The following SHB variants were observed in gnomAD, a reference collection of about 807,000 sequenced individuals.
SHB encodes the protein SH2 domain-containing adapter protein B.
Under a neutral mutation model 52.3 loss-of-function variants are expected in SHB, and 20 were observed. That is an observed-to-expected ratio of 0.38 (90% CI 0.27 to 0.56). The LOEUF (loss-of-function observed/expected upper bound fraction) is 0.56. SHB is among the 20% of genes least tolerant of loss of function. SHB has a pLI of 0.71. For missense variants in SHB, 825 were observed against 723.3 expected (o/e 1.14, Z -1.61); for synonymous variants, 397 against 316.5 (o/e 1.25, Z -2.70).
At chr9:37,941,871 C>T (rs773294795) in intron 5 of SHB, among the ~76,000 whole-genome samples, 14 of 152,224 alleles carry the variant, frequency 9.2e-5, no homozygotes, top group African/African-American at 1.4e-4. Flanking sequence ...GATGCTTGGA[C>T]GGCAGAAGGA....
chr9:37,934,959 G>T (rs1449137944), intron 5 of SHB, among the ~76,000 whole-genome samples: 1 of 152,170 alleles, frequency 6.6e-6, no homozygotes, highest in Admixed American at 6.5e-5. Context: ...ACTTACTATA[G>T]GAACTGATTG....
rs1331975119 is a variant in SHB at position 38,068,543 on chromosome 9, C to T, written c.103G>A (p.Glu35Lys). ...GCCTGGGGGGGCTGCGAAGGCCGCT[C>T]GCCTCGGCGCCGCTGCTCGCGGTAG... Reference protein sequence around the residue: ...PDYREQRRRGERPSQPPQAVP... With the variant: ...PDYREQRRRGKRPSQPPQAVP... Residue 35 changes from glutamate to lysine, a missense_variant, in exon 1 of 6, where the codon GAG (glutamate) becomes AAG (lysine). Glu to Lys is a moderately conservative substitution (Grantham distance 56). Coordinates refer to ENST00000377707, the MANE Select transcript of SHB (RefSeq NM_003028.3). The T allele has an allele frequency of 7.6e-6, 11 of 1,446,822 alleles. No individual in the cohort carries two copies. The highest frequency in any genetic ancestry group is 9.0e-6 in the Non-Finnish European group (10 of 1,111,960). The allele number at this position is 1,446,822 out of a possible 1,614,324, so 89.6% of individuals were successfully genotyped here.
At chr9:37,997,898 G>A (rs969572838) in intron 2 of SHB, among the ~76,000 whole-genome samples, 1 of 152,232 alleles carries the variant, frequency 6.6e-6, no homozygotes, top group South Asian at 2.1e-4. Context: ...GGGGGCCTGA[G>A]GCCCAGGAGG....
intron 2 of SHB, among the ~76,000 whole-genome samples, chr9:38,006,065 A>C (rs1821072432): frequency 1.3e-5 from 2 of 152,102 alleles, no homozygotes; most frequent in Admixed American, 1.3e-4. Context: ...TTCCCTACTC[A>C]GATAGGACAG....
At chr9:37,939,111 C>T (rs1832408243) in intron 5 of SHB, among the ~76,000 whole-genome samples, 1 of 152,218 alleles carries the variant, frequency 6.6e-6, no homozygotes, top group Non-Finnish European at 1.5e-5. Context: ...ATATCACACA[C>T]CCAGGGCCAG....
chr9:38,009,177 C>T (rs1019944133), intron 2 of SHB, among the ~76,000 whole-genome samples: 2 of 152,212 alleles, frequency 1.3e-5, no homozygotes, highest in African/African-American at 2.4e-5. Flanking sequence ...AATGAGAGAA[C>T]AGGAGCCCTA....
intron 2 of SHB, among the ~76,000 whole-genome samples, chr9:37,994,256 C>G (rs1408450154): frequency 6.6e-6 from 1 of 152,252 alleles, no homozygotes; most frequent in Non-Finnish European, 1.5e-5. Flanking sequence ...CAACTTCTCT[C>G]TGCTTCCAGC....
At chr9:38,001,603 CTCT>C (rs1479854313) in intron 2 of SHB, among the ~76,000 whole-genome samples, 4 of 152,232 alleles carry the variant, frequency 2.6e-5, no homozygotes, top group Non-Finnish European at 2.9e-5. Flanking sequence ...GGGTTCGATA[CTCT>C]CCAAGTTAGG....
intron 2 of SHB, among the ~76,000 whole-genome samples, chr9:38,004,000 C>T (rs1821050231): frequency 6.6e-6 from 1 of 152,152 alleles, no homozygotes; most frequent in Non-Finnish European, 1.5e-5. Flanking sequence ...ATCTCAGGCC[C>T]ATGTGCTTCC....
At chr9:37,945,817 C>G (rs1374735086) in intron 5 of SHB, among the ~76,000 whole-genome samples, 1 of 152,134 alleles carries the variant, frequency 6.6e-6, no homozygotes, top group Non-Finnish European at 1.5e-5. Context: ...TAGAGAACCC[C>G]TGATGTCATT....
chr9:38,035,941 TGA>T (rs964989169), intron 1 of SHB, among the ~76,000 whole-genome samples: 5 of 152,120 alleles, frequency 3.3e-5, no homozygotes, highest in African/African-American at 9.7e-5. Context: ...CATCCAAGAC[TGA>T]GAATCACTCT....
At chr9:38,065,628 A>G (rs1187767644) in intron 1 of SHB, among the ~76,000 whole-genome samples, 1 of 152,202 alleles carries the variant, frequency 6.6e-6, no homozygotes, top group Non-Finnish European at 1.5e-5. Context: ...CCTCCTGGGT[A>G]GAAAGAACAT....
chr9:38,022,013 C>T (rs1055186416), intron 1 of SHB, among the ~76,000 whole-genome samples: 1 of 152,206 alleles, frequency 6.6e-6, no homozygotes, highest in East Asian at 1.9e-4. Flanking sequence ...CCCTTGACTT[C>T]TGCTCTATGC....
At chr9:37,944,353 C>T (rs1299079210) in intron 5 of SHB, among the ~76,000 whole-genome samples, 1 of 152,176 alleles carries the variant, frequency 6.6e-6, no homozygotes, top group Non-Finnish European at 1.5e-5. Flanking sequence ...TCTCTGTGGT[C>T]AGTGGTCAGC....
At chr9:37,955,170 ATATT>A (rs1832614322) in intron 4 of SHB, among the ~76,000 whole-genome samples, 1 of 152,234 alleles carries the variant, frequency 6.6e-6, no homozygotes, top group Non-Finnish European at 1.5e-5. Flanking sequence ...GATTTAGTTT[ATATT>A]TAGTTTTTCC....
chr9:37,920,559 C>T (rs1391788129), intron 5 of SHB, among the ~76,000 whole-genome samples: 5 of 152,252 alleles, frequency 3.3e-5, no homozygotes, highest in South Asian at 2.1e-4. Context: ...CCAGGGACTA[C>T]ATTTCCCAGC....
chr9:38,038,338 G>A (rs72726035), intron 1 of SHB, among the ~76,000 whole-genome samples: 14,810 of 152,164 alleles, frequency 0.097, 807 homozygotes, highest in South Asian at 0.14. Context: ...CACTCTCCAC[G>A]TGTGCACTGC....
At chr9:37,995,422 G>T (rs541450005) in intron 2 of SHB, among the ~76,000 whole-genome samples, 1 of 149,704 alleles carries the variant, frequency 6.7e-6, no homozygotes, top group African/African-American at 2.5e-5. Context: ...CCAGCCACCT[G>T]CCCACTGCTG....
chr9:38,045,424 G>A (rs1294214012), intron 1 of SHB, among the ~76,000 whole-genome samples: 5 of 148,742 alleles, frequency 3.4e-5, no homozygotes, highest in Non-Finnish European at 7.5e-5. Context: ...AACATGGTGA[G>A]ACCCCCCCCA....
Sources: allele counts gnomAD v4.1 joint callset (sites outside exome capture counted in the v4.1 genomes callset), GRCh38; gene constraint gnomAD v4.1.1; transcripts MANE v1.5; gene names NCBI Gene and HGNC (gene_info 2026-07-23, HGNC 2026-07-21).